The following PER1 variants were observed in gnomAD, a reference collection of about 807,000 sequenced individuals.
PER1 encodes period circadian regulator 1.
PER1 carries 87 observed loss-of-function variants against 125.9 expected under a neutral mutation model. That is an observed-to-expected ratio of 0.69 (90% CI 0.58 to 0.83). The LOEUF (loss-of-function observed/expected upper bound fraction) is 0.83, where lower values mean the gene tolerates loss of function less well. Ranked by LOEUF, PER1 falls within the 40% of genes least tolerant of loss-of-function variation. The pLI is 0.00. For synonymous variants in PER1, 801 were observed against 714.7 expected (o/e 1.12, Z -1.93); for missense variants, 1,775 against 1,722.8 (o/e 1.03, Z -0.54).
chr17:8,144,116 C>T lies in PER1; in HGVS notation c.2462-240G>A, dbSNP rs183001283. The stretch of plus-strand genomic sequence containing the variant: ...GCCAGGGAGAGGTTACACGAGGGGT[C>T]GAGCTGGGGGTGTGCGGAAGATGGA... On this transcript the variant is annotated intron_variant, in intron 18 of 22. Coordinates refer to ENST00000317276, the MANE Select transcript of PER1 (RefSeq NM_002616.3). 3.0e-5 allele frequency: 16 copies of T among 532,344 alleles called. No homozygotes were observed. The East Asian group carries it at 3.3e-4, about 11-fold the overall frequency. The allele number at this position is 532,344 out of a possible 1,614,324, so 33.0% of individuals were successfully genotyped here.
intron 7 of PER1, 39 bp downstream of exon 7, chr17:8,149,220 A>AAAAC (rs771717065): frequency 2.0e-6 from 3 of 1,524,614 alleles, no homozygotes; most frequent in South Asian, 2.3e-5. Context: ...AAACAAAAAA[A>AAAAC]AAAGGAGGCA....
chr17:8,146,608 C>T lies in PER1; in HGVS notation c.1893G>A (p.Leu631=), dbSNP rs1266619637. 6.2e-7 allele frequency: 1 copy of T among 1,610,768 alleles called. No individual in the cohort carries two copies. Among genetic ancestry groups the T allele is most frequent in the Non-Finnish European group, 8.5e-7 (1 of 1,178,374 alleles). ...GCAGGCCTTACCTGAGGATGCTGTC[C>T]AGGCAGTTGATCTGCTGGTAGGAGC... The part of the protein sequence containing the change: ...SSCSYQQINC[L]DSILRYLESC... Residue 631 remains leucine, a synonymous_variant, in exon 15 of 23, where the codon CTG becomes CTA. Transcript: ENST00000317276.
rs373959169 is a variant in PER1, at chr17:8,147,545, C to T, written c.1422G>A (p.Pro474=). The change falls in exon 12 of 23, where the codon CCG becomes CCA. Residue 474 remains proline (P), a synonymous_variant. Coordinates refer to ENST00000317276, the MANE Select transcript of PER1 (RefSeq NM_002616.3). ...CCAGGGAGGGAGCTGGGCTGGGGGC[C>T]GGGGGAGTGAACACGTCCTCATTCA... is the stretch of plus-strand genomic sequence containing the variant. ...APLNEDVFTP[P]APSPAPSLDT... is the part of the protein sequence containing the mutation. 2.4e-5 allele frequency: 39 copies of T among 1,613,554 alleles called. 1 individual carries two copies. Among genetic ancestry groups the T allele is most frequent in the African/African-American group, 2.4e-4 (18 of 74,878 alleles).
intron 17 of PER1, among the ~76,000 whole-genome samples, chr17:8,145,491 T>G (rs1379176502): frequency 6.6e-6 from 1 of 151,846 alleles, no homozygotes; most frequent in Non-Finnish European, 1.5e-5. Context: ...GCCCGGCTAA[T>G]TTTTGCATTT....
At position 8,146,997 on chromosome 17, in the gene PER1, A is replaced by G; in HGVS notation, c.1635T>C (p.Thr545=). 1 of 1,613,400 alleles carries G rather than the reference A, an allele frequency of 6.2e-7. No individual in the cohort carries two copies. Among genetic ancestry groups the G allele is most frequent in the Non-Finnish European group, 8.5e-7 (1 of 1,179,452 alleles). The change falls in exon 14 of 23, where the codon ACT becomes ACC. Residue 545 remains threonine (T), a synonymous_variant. Coordinates refer to ENST00000317276, the MANE Select transcript of PER1 (RefSeq NM_002616.3). The stretch of plus-strand genomic sequence containing the variant: ...GCACATCCTTACAGATCTGCTGGAA[A>G]GTCACCTGTGGGACACAGCACCACA... ...AEGPGPPAPV[T]FQQICKDVHL...
chr17:8,148,244 G>C lies in PER1; in HGVS notation c.1064C>G (p.Pro355Arg). The C allele has an allele frequency of 6.2e-7, 1 of 1,614,014 alleles. No individual in the cohort carries two copies. The highest frequency in any genetic ancestry group is 1.1e-5 in the South Asian group (1 of 91,084). ...CCGCGTAGTGAAAATCCTCTTGTCA[G>C]GGGGTATCCGGGGAGCTGAGGCACA... The part of the protein sequence containing the change: ...HSGYEAPRIP[P>R]DKRIFTTRHT... Residue 355 changes from proline (P) to arginine (R), a missense_variant, in exon 9 of 23, where the codon CCT (proline) becomes CGT (arginine). By Grantham distance (103) the Pro-to-Arg change is moderately radical. Coordinates refer to ENST00000317276, the MANE Select transcript of PER1 (RefSeq NM_002616.3).
rs11658069 is a variant in PER1 at position 8,143,789 on chromosome 17, G to A, written c.2549C>T (p.Ala850Val). The stretch of plus-strand genomic sequence containing the variant: ...GTGTGAGACATAGCAGGGCGCTTCA[G>A]CCCGAGGGTTCTGGTGGTGGCGTGA... ...KRSRHHQNPR[A>V]EAPCYVSHPS... The change falls in exon 19 of 23, where the codon GCT (alanine) becomes GTT (valine). Residue 850 changes from alanine to valine, a missense_variant. Transcript: ENST00000317276. 2 of 1,609,968 alleles carry A rather than the reference G, an allele frequency of 1.2e-6. No homozygotes were observed. The highest frequency in any genetic ancestry group is 2.2e-5 in the South Asian group (2 of 90,684).
rs769498339 is a variant in PER1 at position 8,150,279 on chromosome 17, A to G, written c.314T>C (p.Ile105Thr). ...SQSPSPPSSS[I>T]AYSLLSASSE... ...GCTGGCACTCAGGAGGCTGTAGGCA[A>G]TGGAACTGCTGGGTGGGGATGGGCT... The change falls in exon 3 of 23, where the codon ATT (isoleucine) becomes ACT (threonine). Residue 105 changes from isoleucine to threonine, a missense_variant. Transcript: ENST00000317276. 6.4e-7 allele frequency: 1 copy of G among 1,565,192 alleles called. No individual in the cohort carries two copies. Among genetic ancestry groups the G allele is most frequent in the South Asian group, 1.2e-5 (1 of 83,904 alleles).
In PER1 at chr17:8,147,546, G is replaced by C. The variant is rs367878166; in HGVS notation, c.1421C>G (p.Pro474Arg). The change falls in exon 12 of 23, where the codon CCG becomes CGG. Residue 474 changes from proline to arginine, a missense_variant. Physicochemically the swap from Pro to Arg is moderately radical, Grantham distance 103. Transcript: ENST00000317276. ...CAGGGAGGGAGCTGGGCTGGGGGCC[G>C]GGGGAGTGAACACGTCCTCATTCAG... The part of the protein sequence containing the change: ...APLNEDVFTP[P>R]APSPAPSLDT... 1.2e-6 allele frequency: 2 copies of C among 1,613,168 alleles called. No individual in the cohort carries two copies. The highest frequency in any genetic ancestry group is 1.7e-6 in the Non-Finnish European group (2 of 1,179,456).
rs1335436925 is a variant in PER1, at chr17:8,149,581, T to C, written c.734A>G (p.Lys245Arg). The change falls in exon 6 of 23, where the codon AAG becomes AGG. Residue 245 changes from lysine to arginine, a missense_variant. Lys to Arg is a conservative substitution (Grantham distance 26). Coordinates refer to ENST00000317276, the MANE Select transcript of PER1 (RefSeq NM_002616.3). ...SEQAAVLLRC[K>R]RDVFRGTRFS... The stretch of plus-strand genomic sequence containing the variant: ...GCGGGTACCCCGGAACACGTCCCGC[T>C]TGCAACGCAGCAGGACGGCTGCCTG... The C allele has an allele frequency of 7.4e-6, 12 of 1,613,672 alleles. No individual in the cohort carries two copies. The highest frequency in any genetic ancestry group is 9.3e-6 in the Non-Finnish European group (11 of 1,179,870).
At chr17:8,147,883 G>A (rs1365516864) in intron 10 of PER1, 56 bp from the exon 11 acceptor site, 5 of 1,603,638 alleles carry the variant, frequency 3.1e-6, no homozygotes, top group African/African-American at 2.7e-5. Context: ...GAGTAAGAGG[G>A]AGGCCATGCC....
At chr17:8,148,345 G>A in intron 8 of PER1, 86 bp from the exon 9 acceptor site, 1 of 1,158,488 alleles carries the variant, frequency 8.6e-7, no homozygotes, top group Non-Finnish European at 1.3e-6. Context: ...CAGGCTGGCT[G>A]ATGATCTGCC....
chr17:8,142,769 G>A lies in PER1; in HGVS notation c.3139C>T (p.Leu1047=). ...SGSSDLLELL[L]QEDSRSGTGS... The stretch of plus-strand genomic sequence containing the variant: ...GTGCCGGAGCGCGAGTCCTCTTGCA[G>A]CAGAAGTTCGAGCAGGTCACTGGAG... The change falls in exon 20 of 23, where the codon CTG becomes TTG. Residue 1047 remains leucine, a synonymous_variant. Coordinates refer to ENST00000317276, the MANE Select transcript of PER1 (RefSeq NM_002616.3). The A allele has an allele frequency of 6.2e-7, 1 of 1,613,666 alleles. No homozygotes were observed. Among genetic ancestry groups the A allele is most frequent in the East Asian group, 2.2e-5 (1 of 44,876 alleles).
chr17:8,149,930 G>A (rs940941619), intron 4 of PER1, 41 bp downstream of exon 4: 4 of 1,613,906 alleles, frequency 2.5e-6, no homozygotes, highest in Non-Finnish European at 3.4e-6. Flanking sequence ...CAACACGGGA[G>A]CCCAGGCCCA....
chr17:8,146,554 G>T, intron 15 of PER1, 40 bp downstream of exon 15: 2 of 1,602,250 alleles, frequency 1.2e-6, no homozygotes, highest in Non-Finnish European at 1.7e-6. Context: ...GGTGGGCAGG[G>T]TTAGAGCCCG....
chr17:8,146,684 G>A lies in PER1; in HGVS notation c.1817C>T (p.Ala606Val). The change falls in exon 15 of 23, where the codon GCC becomes GTC. Residue 606 changes from alanine to valine, a missense_variant. Ala to Val is a moderately conservative substitution (Grantham distance 64). Transcript: ENST00000317276. Reference protein sequence around the residue: ...ELEAGSAPVQAPLALVPEEAE... With the variant: ...ELEAGSAPVQVPLALVPEEAE... ...CTCCTCAGGGACCAAGGCTAGTGGG[G>A]CCTGGACGGGAGCAGAACCCGCCTC... 6.2e-7 allele frequency: 1 copy of A among 1,613,854 alleles called. No homozygotes were observed. The highest frequency in any genetic ancestry group is 8.5e-7 in the Non-Finnish European group (1 of 1,180,006).
At chr17:8,151,577 G>A (rs1982866325) in intron 1 of PER1, among the ~76,000 whole-genome samples, 1 of 152,108 alleles carries the variant, frequency 6.6e-6, no homozygotes, top group Non-Finnish European at 1.5e-5. Flanking sequence ...CACTGCCCTC[G>A]GCGCAAAAGC....
chr17:8,142,191 G>A (rs1982121732), intron 21 of PER1, 78 bp downstream of exon 21: 2 of 1,263,530 alleles, frequency 1.6e-6, no homozygotes, highest in South Asian at 2.9e-5. Context: ...ATCCAGGGCA[G>A]AGCCAGCCCC....
At position 8,144,987 on chromosome 17, in the gene PER1, A is replaced by T. The variant is rs201420101; in HGVS notation, c.2225T>A (p.Ile742Asn). 5 of 1,496,200 alleles carry T rather than the reference A, an allele frequency of 3.3e-6. No individual in the cohort carries two copies. In the Admixed American group the frequency reaches 9.2e-5, roughly 28 times the overall value. 92.7% of individuals were successfully genotyped at this position (1,496,200 alleles called of 1,614,324 possible). ...GDKKPPESDIIMMEDLPGLAP... is the reference protein window; with the variant it reads ...GDKKPPESDINMMEDLPGLAP... ...TAGGCCAGGCAGGTCCTCCATCATG[A>T]TGATGTCTGAGGAGAGTGAGATAGG... Residue 742 changes from isoleucine (I) to asparagine (N), a missense_variant, in exon 18 of 23, where the codon ATC becomes AAC. By Grantham distance (149) the Ile-to-Asn change is moderately radical. Coordinates refer to ENST00000317276, the MANE Select transcript of PER1 (RefSeq NM_002616.3).
Sources: allele counts gnomAD v4.1 joint callset (sites outside exome capture counted in the v4.1 genomes callset), GRCh38; gene constraint gnomAD v4.1.1; transcripts MANE v1.5; gene names NCBI Gene and HGNC (gene_info 2026-07-23, HGNC 2026-07-21).